ST18: variants seen among roughly 807,000 people sequenced by gnomAD.
The protein encoded by ST18 is suppression of tumorigenicity 18 protein.
Under a neutral mutation model 110.0 loss-of-function variants are expected in ST18, and 50 were observed. The observed-to-expected ratio is 0.45, with a 90% CI of 0.36 to 0.58. ST18 has a LOEUF of 0.58. Among genes scored for constraint, ST18 ranks in the 20% least tolerant of loss-of-function variants. The probability of loss-of-function intolerance (pLI) is 0.00; values close to 1 mark genes in which losing one functional copy is unlikely to be tolerated. For synonymous variants in ST18, 461 were observed against 452.4 expected (o/e 1.02, Z -0.24); for missense variants, 1,306 against 1,280.1 (o/e 1.02, Z -0.31).
intron 2 of ST18, among the ~76,000 whole-genome samples, chr8:52,337,688 G>T (rs1457564394): frequency 6.6e-6 from 1 of 152,178 alleles, no homozygotes; most frequent in Non-Finnish European, 1.5e-5. Flanking sequence ...GCCATCAACT[G>T]CCTTTATTGC....
chr8:52,263,880 C>T (rs1405988135), intron 2 of ST18, among the ~76,000 whole-genome samples: 1 of 136,404 alleles, frequency 7.3e-6, no homozygotes, highest in Non-Finnish European at 1.5e-5. Context: ...CTCACTGCAA[C>T]CTCTGCCTCT....
rs2074422217 is a variant in ST18 at position 52,191,404 on chromosome 8, C to T, written c.87-11092G>A. On this transcript the variant is annotated intron_variant, in intron 8 of 25. Transcript: ENST00000689386. ...AGACTCACCAAGTCATAATGTCAAG[C>T]AGGCCCAGAAACAATCCATCATGAG... Among the ~76,000 whole-genome samples, 4 of 152,128 alleles carry T rather than the reference C, an allele frequency of 2.6e-5. 1 individual carries two copies. The South Asian group carries it at 8.3e-4, about 32-fold the overall frequency.
intron 19 of ST18, among the ~76,000 whole-genome samples, chr8:52,133,830 A>G (rs1248276798): frequency 6.6e-6 from 1 of 152,050 alleles, no homozygotes; most frequent in African/African-American, 2.4e-5. Context: ...TCCCAGGTTC[A>G]AGTGATTCTC....
At chr8:52,214,180 A>G (rs1296596072) in intron 7 of ST18, 23 bp downstream of exon 7, 15 of 1,613,854 alleles carry the variant, frequency 9.3e-6, no homozygotes, top group East Asian at 2.2e-5. Context: ...GCATAGTGTC[A>G]TAGAACCTGC....
intron 2 of ST18, among the ~76,000 whole-genome samples, chr8:52,376,530 T>G (rs1484244084): frequency 6.6e-6 from 1 of 152,204 alleles, no homozygotes; most frequent in Non-Finnish European, 1.5e-5. Flanking sequence ...GATTCCCCTA[T>G]CTGCCCTACT....
chr8:52,335,618 G>C (rs1811666373), intron 2 of ST18, among the ~76,000 whole-genome samples: 1 of 152,174 alleles, frequency 6.6e-6, no homozygotes, highest in Non-Finnish European at 1.5e-5. Context: ...ATTAAAGTTT[G>C]TATTAAGTAC....
chr8:52,274,009 T>C (rs2095158650), intron 2 of ST18, among the ~76,000 whole-genome samples: 1 of 152,236 alleles, frequency 6.6e-6, no homozygotes, highest in African/African-American at 2.4e-5. Flanking sequence ...AGTGAATTTC[T>C]TTTAAATCAT....
intron 2 of ST18, among the ~76,000 whole-genome samples, chr8:52,390,184 G>A (rs1388647793): frequency 6.6e-6 from 1 of 152,164 alleles, no homozygotes; most frequent in East Asian, 1.9e-4. Context: ...CTCTGATGTG[G>A]AGTCAATGTC....
chr8:52,269,290 C>T (rs1196368815), intron 2 of ST18, among the ~76,000 whole-genome samples: 2 of 152,164 alleles, frequency 1.3e-5, no homozygotes, highest in African/African-American at 4.8e-5. Flanking sequence ...TCTCACATAG[C>T]CTGAATCCGA....
chr8:52,171,722 T>A, intron 10 of ST18, 70 bp downstream of exon 10: 2 of 1,535,798 alleles, frequency 1.3e-6, no homozygotes, highest in Non-Finnish European at 1.8e-6. Context: ...AAAAAAATAA[T>A]CAAATCTGAC....
At chr8:52,208,861 T>C (rs2081130739) in intron 8 of ST18, among the ~76,000 whole-genome samples, 1 of 152,072 alleles carries the variant, frequency 6.6e-6, no homozygotes, top group Non-Finnish European at 1.5e-5. Context: ...ATAAAACAAC[T>C]TGGGACCTTG....
chr8:52,252,731 C>T (rs2094374917), intron 2 of ST18, among the ~76,000 whole-genome samples: 1 of 151,870 alleles, frequency 6.6e-6, no homozygotes, highest in Non-Finnish European at 1.5e-5. Context: ...GCTAATTTGG[C>T]AAGAGAAATC....
At chr8:52,225,707 C>T (rs1392698904) in intron 3 of ST18, among the ~76,000 whole-genome samples, 1 of 152,232 alleles carries the variant, frequency 6.6e-6, no homozygotes, top group African/African-American at 2.4e-5. Context: ...ATTCATTTTA[C>T]ATGCTAAGTG....
At chr8:52,213,045 A>T (rs2136043328) in intron 7 of ST18, among the ~76,000 whole-genome samples, 1 of 152,344 alleles carries the variant, frequency 6.6e-6, no homozygotes, top group Middle Eastern at 3.4e-3. Flanking sequence ...TTTGCTCCGT[A>T]AAAAAGCTAT....
chr8:52,170,083 A>G (rs1449867606), intron 10 of ST18, among the ~76,000 whole-genome samples: 2 of 152,250 alleles, frequency 1.3e-5, no homozygotes, highest in Non-Finnish European at 2.9e-5. Flanking sequence ...GGTATCATCA[A>G]TTGTTTAACA....
chr8:52,111,188 G>A lies in ST18; in HGVS notation c.*2010C>T, dbSNP rs1274610943. 2.6e-6 allele frequency: 1 copy of A among 382,766 alleles called. No individual in the cohort carries two copies. Among genetic ancestry groups the A allele is most frequent in the African/African-American group, 2.1e-5 (1 of 48,300 alleles). 23.7% of individuals were successfully genotyped at this position (382,766 alleles called of 1,614,324 possible). A position where few individuals can be genotyped will look rare whatever the true frequency, so the allele number is the denominator to read the frequency against. On this transcript the variant is annotated 3_prime_UTR_variant, in exon 26 of 26. Coordinates refer to ENST00000689386, the MANE Select transcript of ST18 (RefSeq NM_001352837.2). ...GCAAATTATAGTAATAAATATGTAG[G>A]TTGGTAAGAGATTTCTTTTAAATTA...
At position 52,258,907 on chromosome 8, in the gene ST18, C is replaced by G. The variant is rs142476136; in HGVS notation, c.-464-28830G>C. ...TTCAACTTAAAAAGCTAACTGCTTT[C>G]TGGCATAGTAACCTGCCCTACATTG... is the stretch of plus-strand genomic sequence containing the variant. On this transcript the variant is annotated intron_variant, in intron 2 of 25. Coordinates refer to ENST00000689386, the MANE Select transcript of ST18 (RefSeq NM_001352837.2). Among the ~76,000 whole-genome samples, 1,512 of 152,312 alleles carry G rather than the reference C, an allele frequency of 9.9e-3. 22 individuals carry two copies. The highest frequency in any genetic ancestry group is 0.035 in the African/African-American group (1,437 of 41,562).
chr8:52,351,387 C>G (rs1409789439), intron 2 of ST18, among the ~76,000 whole-genome samples: 1 of 152,168 alleles, frequency 6.6e-6, no homozygotes, highest in Admixed American at 6.5e-5. Context: ...TTCTACACAC[C>G]AATTATTCCT....
intron 14 of ST18, among the ~76,000 whole-genome samples, chr8:52,160,037 A>G (rs573051749): frequency 5.3e-5 from 8 of 152,180 alleles, no homozygotes; most frequent in Non-Finnish European, 1.0e-4. Context: ...TTATATTTCT[A>G]TAATTACAAG....
Sources: gnomAD v4.1 joint callset for allele counts (sites outside exome capture counted in the v4.1 genomes callset) on GRCh38, gnomAD v4.1.1 for gene constraint, MANE v1.5 for transcripts, NCBI Gene and HGNC (gene_info 2026-07-23, HGNC 2026-07-21) for gene names.